The following NALCN variants were observed in gnomAD, a reference collection of about 807,000 sequenced individuals.
The protein encoded by NALCN is sodium leak channel NALCN.
Under a neutral mutation model 225.3 loss-of-function variants are expected in NALCN, and 111 were observed. The ratio of observed to expected loss-of-function variants is 0.49; its 90% CI spans 0.42 to 0.58. NALCN has a LOEUF of 0.58. Among genes scored for constraint, NALCN ranks in the 20% least tolerant of loss-of-function variants. The pLI is 0.00. For missense variants in NALCN, 1,378 were observed against 2,202.4 expected (o/e 0.63, Z 7.49); for synonymous variants, 764 against 769.0 (o/e 0.99, Z 0.11).
rs376239794 is a variant in NALCN at position 101,148,257 on chromosome 13, G to A, written c.1840-3361C>T. Among the ~76,000 whole-genome samples the A allele has an allele frequency of 3.3e-5, 5 of 152,166 alleles. No individual in the cohort carries two copies. In the East Asian group the frequency reaches 5.8e-4, roughly 18 times the overall value. On this transcript the variant is annotated intron_variant, in intron 15 of 43. Coordinates refer to ENST00000251127, the MANE Select transcript of NALCN (RefSeq NM_052867.4). ...CATGCTCTCTCTGAAGGCTCCAGGC[G>A]AGAGTCCTTCCTTGCCTTTCTCTTG...
At chr13:101,296,057 C>T (rs1026464494) in intron 7 of NALCN, among the ~76,000 whole-genome samples, 1 of 152,174 alleles carries the variant, frequency 6.6e-6, no homozygotes, top group African/African-American at 2.4e-5. Context: ...TTGACAGACT[C>T]CTGGGCTGCC....
intron 15 of NALCN, among the ~76,000 whole-genome samples, chr13:101,155,647 C>T (rs1332405958): frequency 6.6e-6 from 1 of 152,106 alleles, no homozygotes; most frequent in Admixed American, 6.6e-5. Flanking sequence ...TTTCTCTTTT[C>T]CTACTCCATT....
At position 101,205,904 on chromosome 13, in the gene NALCN, G is replaced by A. The variant is rs565256544; in HGVS notation, c.1627-13850C>T. On this transcript the variant is annotated intron_variant, in intron 13 of 43. Coordinates refer to ENST00000251127, the MANE Select transcript of NALCN (RefSeq NM_052867.4). ...TGGAGGATTAATTAAAAATATTTCCGTAACTAAAACAGCACAGAATCTACA... is the reference window on the plus strand; with the variant it reads ...TGGAGGATTAATTAAAAATATTTCCATAACTAAAACAGCACAGAATCTACA... 1.5e-4 allele frequency among the ~76,000 whole-genome samples: 23 copies of A among 152,008 alleles called. No individual in the cohort carries two copies. The East Asian group carries it at 3.9e-3, about 26-fold the overall frequency.
In NALCN at chr13:101,082,859, C is replaced by G. The variant is rs770456318; in HGVS notation, c.3715G>C (p.Val1239Leu). ...VKWDVEDPVT[V>L]PLATMSVVFT... is the part of the protein sequence containing the mutation. The stretch of plus-strand genomic sequence containing the variant: ...ACAACTGACATTGTTGCCAAAGGTA[C>G]GGTCACCGGGTCCTCGACGTCCCAC... Residue 1239 changes from valine (V) to leucine (L), a missense_variant, in exon 33 of 44, where the codon GTA (valine) becomes CTA (leucine). Transcript: ENST00000251127. The G allele has an allele frequency of 6.2e-7, 1 of 1,614,056 alleles. No homozygotes were observed. The highest frequency in any genetic ancestry group is 8.5e-7 in the Non-Finnish European group (1 of 1,180,022).
chr13:101,205,674 G>A (rs1314209925), intron 13 of NALCN, among the ~76,000 whole-genome samples: 3 of 152,088 alleles, frequency 2.0e-5, no homozygotes, highest in Non-Finnish European at 4.4e-5. Context: ...AAGTTTCTTG[G>A]AGTACTTATG....
chr13:101,068,822 C>A lies in NALCN; in HGVS notation c.4203G>T (p.Gln1401His). Residue 1401 changes from glutamine (Q) to histidine (H), a missense_variant, in exon 38 of 44, where the codon CAG (glutamine) becomes CAT (histidine). Coordinates refer to ENST00000251127, the MANE Select transcript of NALCN (RefSeq NM_052867.4). ...ATTCATCTGGAGTACAAAACGGAGG[C>A]TGAACCTTTGGGGCATTGGGGTGGA... Reference protein sequence around the residue: ...WNKIMHDCMVQPPFCTPDEFT... With the variant: ...WNKIMHDCMVHPPFCTPDEFT... 6.2e-7 allele frequency: 1 copy of A among 1,605,328 alleles called. No individual in the cohort carries two copies. The highest frequency in any genetic ancestry group is 8.5e-7 in the Non-Finnish European group (1 of 1,176,538).
Position 101,104,129 on chromosome 13 carries a change from T to C in NALCN, c.2889+166A>G, listed in dbSNP as rs1298450117. ...TGATGCTCTTAATTTAGATTTTACATGCATGGCCCTTATTTGCATATAATG... is the reference window on the plus strand; with the variant it reads ...TGATGCTCTTAATTTAGATTTTACACGCATGGCCCTTATTTGCATATAATG... On this transcript the variant is annotated intron_variant, in intron 25 of 43. Transcript: ENST00000251127. The surrounding 1 kb of genome is among the most constrained non-coding windows in gnomAD (Gnocchi z 4.2). 6.6e-6 allele frequency among the ~76,000 whole-genome samples: 1 copy of C among 152,208 alleles called. No individual in the cohort carries two copies. The highest frequency in any genetic ancestry group is 1.9e-4 in the East Asian group (1 of 5,198).
chr13:101,144,581 G>C (rs1194011239), intron 16 of NALCN, among the ~76,000 whole-genome samples, 179 bp downstream of exon 16: 3 of 152,224 alleles, frequency 2.0e-5, no homozygotes, highest in Non-Finnish European at 4.4e-5. Flanking sequence ...TTGCTTAAAA[G>C]AGTCAAAGTT....
In NALCN at chr13:101,126,906, G is replaced by A. The variant is rs186204344; in HGVS notation, c.2119-2225C>T. Among the ~76,000 whole-genome samples, 5 of 152,294 alleles carry A rather than the reference G, an allele frequency of 3.3e-5. No homozygotes were observed. The South Asian group carries it at 6.2e-4, about 19-fold the overall frequency. On this transcript the variant is annotated intron_variant, in intron 17 of 43. Coordinates refer to ENST00000251127, the MANE Select transcript of NALCN (RefSeq NM_052867.4). The stretch of plus-strand genomic sequence containing the variant: ...AGACTCAGCTGGTGGCCCCATCATC[G>A]TGGAGCATCTGCTCTTTAGACACCT...
intron 18 of NALCN, among the ~76,000 whole-genome samples, chr13:101,113,248 G>A (rs1035112446): frequency 4.6e-5 from 7 of 152,156 alleles, no homozygotes; most frequent in Admixed American, 6.6e-5. Context: ...GGGAAGGACC[G>A]CAGATGGAAG....
chr13:101,071,046 C>A (rs1342918799), intron 37 of NALCN, among the ~76,000 whole-genome samples: 1 of 152,170 alleles, frequency 6.6e-6, no homozygotes, highest in Non-Finnish European at 1.5e-5. Context: ...AGAACTCACT[C>A]AGTATCACAA....
intron 40 of NALCN, among the ~76,000 whole-genome samples, chr13:101,063,002 G>A (rs1172222943): frequency 6.6e-6 from 1 of 152,198 alleles, no homozygotes; most frequent in Non-Finnish European, 1.5e-5. Context: ...TGTAGGTAAA[G>A]CCAACACAGC....
intron 6 of NALCN, among the ~76,000 whole-genome samples, chr13:101,353,755 A>C (rs1209400360): frequency 6.6e-6 from 1 of 152,206 alleles, no homozygotes; most frequent in Non-Finnish European, 1.5e-5. Context: ...TGGTAGGCAA[A>C]GTTGTAAAGA....
At chr13:101,369,420 C>A (rs1273766619) in intron 6 of NALCN, among the ~76,000 whole-genome samples, 1 of 152,082 alleles carries the variant, frequency 6.6e-6, no homozygotes, top group Non-Finnish European at 1.5e-5. Context: ...GTACCAAATA[C>A]AGCGTGGAAC....
intron 28 of NALCN, among the ~76,000 whole-genome samples, chr13:101,093,831 C>T (rs2034362762): frequency 6.6e-6 from 1 of 152,134 alleles, no homozygotes; most frequent in Admixed American, 6.5e-5. Context: ...ACAATCCCAT[C>T]CTTAGCAGCT....
chr13:101,378,897 TA>T (rs1265883868), intron 3 of NALCN, among the ~76,000 whole-genome samples: 3 of 144,780 alleles, frequency 2.1e-5, no homozygotes, highest in African/African-American at 7.4e-5. Context: ...AAAATATCAC[TA>T]TTTTTTTTTT....
chr13:101,188,731 C>T (rs910248939), intron 14 of NALCN, among the ~76,000 whole-genome samples: 1 of 151,330 alleles, frequency 6.6e-6, no homozygotes, highest in African/African-American at 2.4e-5. Flanking sequence ...GTTGCCCAGG[C>T]TGGGGTACAA....
At chr13:101,321,504 A>G (rs2044745607) in intron 7 of NALCN, among the ~76,000 whole-genome samples, 1 of 152,180 alleles carries the variant, frequency 6.6e-6, no homozygotes, top group Non-Finnish European at 1.5e-5. Context: ...GTATGCAGGA[A>G]CAATTTGGAA....
In NALCN at chr13:101,095,509, CT is replaced by C. The variant is rs2034454459; in HGVS notation, c.3269+64del. On this transcript the variant is annotated intron_variant, in intron 28 of 43. Coordinates refer to ENST00000251127, the MANE Select transcript of NALCN (RefSeq NM_052867.4). ...ACTTTTAGTTACATGCCATATGATA[CT>C]TATTTAAAGCCTTATACTGACAAAC... 1.9e-5 allele frequency: 25 copies of C among 1,317,212 alleles called. 1 individual carries two copies. The South Asian group carries it at 3.2e-4, about 17-fold the overall frequency. The allele number at this position is 1,317,212 out of a possible 1,614,324, so 81.6% of individuals were successfully genotyped here.
Sources: allele counts gnomAD v4.1 joint callset (sites outside exome capture counted in the v4.1 genomes callset), GRCh38; gene constraint gnomAD v4.1.1; non-coding constraint Gnocchi (gnomAD v3.1); transcripts MANE v1.5; gene names NCBI Gene and HGNC (gene_info 2026-07-23, HGNC 2026-07-21).